Variants in CAGE1 observed in about 807,000 individuals in gnomAD.
CAGE1 encodes cancer antigen 1.
A neutral mutation model predicts 94.9 loss-of-function variants in CAGE1; 66 were observed. The observed-to-expected ratio is 0.70, with a 90% confidence interval of 0.57 to 0.85. The LOEUF is 0.85. Ranked by LOEUF, CAGE1 falls within the 40% of genes least tolerant of loss-of-function variation. CAGE1 has a pLI of 0.00. For synonymous variants in CAGE1, 319 were observed against 321.0 expected, an observed-to-expected ratio of 0.99 and a Z score of 0.07; for missense variants, 865 against 950.4, an observed-to-expected ratio of 0.91 and a Z score of 1.18.
rs1314527550 is a variant in CAGE1, at chr6:7,367,260, G to A, written c.2005-1376C>T. On this transcript the variant is annotated intron_variant, in intron 7 of 13. Coordinates refer to ENST00000502583, the MANE Select transcript of CAGE1 (RefSeq NM_001170692.2). ...ATTAACCAAAAGAACATAAATATCT[G>A]AAAGAAATATTTGGGGGATTTTTTT... Among the ~76,000 whole-genome samples, 3 of 132,014 alleles carry A rather than the reference G, an allele frequency of 2.3e-5. 1 individual carries two copies. The highest frequency in any genetic ancestry group is 3.2e-5 in the Non-Finnish European group (2 of 63,132). 86.6% of individuals were successfully genotyped at this position (132,014 alleles called of 152,430 possible). A position where few individuals can be genotyped will look rare whatever the true frequency, so the allele number is the denominator to read the frequency against.
chr6:7,386,348 A>G (rs1411348492), intron 2 of CAGE1, among the ~76,000 whole-genome samples: 1 of 152,232 alleles, frequency 6.6e-6, no homozygotes, highest in Non-Finnish European at 1.5e-5. Context: ...TCATGAAGAT[A>G]TTGGGACATT....
intron 11 of CAGE1, among the ~76,000 whole-genome samples, chr6:7,354,388 A>C (rs1043910050): frequency 6.6e-6 from 1 of 152,226 alleles, no homozygotes; most frequent in Non-Finnish European, 1.5e-5. Flanking sequence ...TGTGAAAACC[A>C]AATGCAAACT....
intron 11 of CAGE1, among the ~76,000 whole-genome samples, chr6:7,354,818 A>T (rs1171567809): frequency 6.6e-6 from 1 of 152,166 alleles, no homozygotes; most frequent in Non-Finnish European, 1.5e-5. Context: ...CACCCCTTTA[A>T]ATCAAAGGGA....
intron 11 of CAGE1, among the ~76,000 whole-genome samples, chr6:7,345,146 TAGGTCCATATTGCTTTTAGGAG>T (rs1561851691): frequency 2.4e-5 from 1 of 42,514 alleles, no homozygotes. Flanking sequence ...TTTTAGGAGC[TAGGTCCATATTGCTTTTAGGAG>T]CTATGACACT....
intron 11 of CAGE1, among the ~76,000 whole-genome samples, chr6:7,352,726 C>G: frequency 6.6e-6 from 1 of 151,996 alleles, no homozygotes; most frequent in Non-Finnish European, 1.5e-5. Flanking sequence ...AATAGAGAAC[C>G]CAGAAATAAA....
chr6:7,338,904 G>A (rs1475859632), intron 11 of CAGE1: 7 of 1,522,758 alleles, frequency 4.6e-6, no homozygotes, highest in Non-Finnish European at 6.2e-6. Flanking sequence ...TCTGAGATGG[G>A]GGTGGTGGGC....
Position 7,378,688 on chromosome 6 carries a change from T to G in CAGE1, c.616A>C (p.Lys206Gln). The G allele has an allele frequency of 6.2e-7, 1 of 1,613,040 alleles. No homozygotes were observed. Among genetic ancestry groups the G allele is most frequent in the Non-Finnish European group, 8.5e-7 (1 of 1,179,678 alleles). ...TTGGCAATACTTTTAGCCAGTGACT[T>G]TTCTGTAAATTTCAGCATCTCTCCA... ...CSGEMLKFTE[K>Q]SLAKSIAKES... Residue 206 changes from lysine to glutamine, a missense_variant, in exon 4 of 14, where the codon AAG becomes CAG. Lys to Gln is a moderately conservative substitution (Grantham distance 53, BLOSUM62 1). Coordinates refer to ENST00000502583, the MANE Select transcript of CAGE1 (RefSeq NM_001170692.2).
chr6:7,381,829 T>G (rs1760943219), intron 3 of CAGE1, among the ~76,000 whole-genome samples: 1 of 143,940 alleles, frequency 6.9e-6, no homozygotes, highest in Non-Finnish European at 1.5e-5. Context: ...GTGCCCGGCC[T>G]GAATTATGTG....
In CAGE1 at chr6:7,339,203, C is replaced by G; in HGVS notation, c.2370-5113G>C. 6.6e-7 allele frequency: 1 copy of G among 1,526,102 alleles called. No homozygotes were observed. The highest frequency in any genetic ancestry group is 2.3e-5 in the East Asian group (1 of 44,440). 94.5% of individuals were successfully genotyped at this position (1,526,102 alleles called of 1,614,324 possible). ...CCCCAGTTTCCATGATGAACCGCGA[C>G]ACACCATAGCAGGCCCTCCGCACAG... On this transcript the variant is annotated intron_variant, in intron 11 of 13. Coordinates refer to ENST00000502583, the MANE Select transcript of CAGE1 (RefSeq NM_001170692.2). This position sits in a 1 kb window ranked among gnomAD's most constrained non-coding sequence, Gnocchi z 4.7.
intron 11 of CAGE1, among the ~76,000 whole-genome samples, chr6:7,342,429 G>A (rs764700669): frequency 6.6e-6 from 1 of 152,154 alleles, no homozygotes; most frequent in Non-Finnish European, 1.5e-5. Context: ...TCAACAGCTG[G>A]GTATAGATGC....
intron 11 of CAGE1, among the ~76,000 whole-genome samples, chr6:7,345,226 C>G (rs189576827): frequency 2.7e-5 from 4 of 149,316 alleles, no homozygotes; most frequent in African/African-American, 1.0e-4. Context: ...TATAAGCTAC[C>G]AGCCTACCAA....
At chr6:7,344,146 G>A (rs1365639085) in intron 11 of CAGE1, among the ~76,000 whole-genome samples, 1 of 152,212 alleles carries the variant, frequency 6.6e-6, no homozygotes, top group African/African-American at 2.4e-5. Context: ...GCCCACCGCT[G>A]CACTGTGAGA....
At chr6:7,329,775 C>T in intron 13 of CAGE1, 74 bp downstream of exon 13, 1 of 737,306 alleles carries the variant, frequency 1.4e-6, no homozygotes, top group Non-Finnish European at 2.4e-6. Flanking sequence ...TCAGGAACTC[C>T]TATTAAATCT....
intron 11 of CAGE1, among the ~76,000 whole-genome samples, chr6:7,354,094 A>C (rs1186919657): frequency 1.3e-5 from 2 of 151,996 alleles, no homozygotes; most frequent in Non-Finnish European, 2.9e-5. Flanking sequence ...CGGAAAAAAA[A>C]CAAAAAATAA....
At chr6:7,340,279 T>C (rs1191583286) in intron 11 of CAGE1, among the ~76,000 whole-genome samples, 1 of 152,196 alleles carries the variant, frequency 6.6e-6, no homozygotes, top group Non-Finnish European at 1.5e-5. Flanking sequence ...TTTTTTCTTG[T>C]TAATTTGTTT....
intron 11 of CAGE1, among the ~76,000 whole-genome samples, chr6:7,345,978 CAAACTCT>C (rs1363038427): frequency 6.6e-6 from 1 of 152,142 alleles, no homozygotes; most frequent in Non-Finnish European, 1.5e-5. Context: ...AACAATACCT[CAAACTCT>C]ATTAAATTTT....
chr6:7,344,321 C>T (rs1195062672), intron 11 of CAGE1, among the ~76,000 whole-genome samples: 1 of 152,238 alleles, frequency 6.6e-6, no homozygotes, highest in Non-Finnish European at 1.5e-5. Context: ...AGCAGCCAGC[C>T]GGCCCTGCCA....
chr6:7,335,081 G>A (rs1462730969), intron 11 of CAGE1, among the ~76,000 whole-genome samples: 4 of 152,106 alleles, frequency 2.6e-5, no homozygotes, highest in Non-Finnish European at 4.4e-5. Flanking sequence ...AGGGGGCTTG[G>A]CCCCACATCA....
chr6:7,378,534 G>A (rs1760830225), intron 4 of CAGE1, 83 bp downstream of exon 4: 1 of 1,268,350 alleles, frequency 7.9e-7, no homozygotes, highest in African/African-American at 1.5e-5. Flanking sequence ...TACCTCCTCT[G>A]CTTTATAATT....
Sources: gnomAD v4.1 joint callset for allele counts (sites outside exome capture counted in the v4.1 genomes callset) on GRCh38, gnomAD v4.1.1 for gene constraint, Gnocchi (gnomAD v3.1) non-coding constraint, MANE v1.5 for transcripts, NCBI Gene and HGNC (gene_info 2026-07-23, HGNC 2026-07-21) for gene names.